ZNF469: variants seen among roughly 807,000 people sequenced by gnomAD.
The protein encoded by ZNF469 is zinc finger protein 469.
A neutral mutation model predicts 1.0 loss-of-function variants in ZNF469; 1 was observed. The observed-to-expected ratio is 1.00, with a 90% CI of 0.35 to 4.73. The LOEUF (loss-of-function observed/expected upper bound fraction) is 4.73. Ranked by LOEUF, ZNF469 falls within the 30% of genes most tolerant of loss-of-function variation. The pLI, the probability that ZNF469 is intolerant of heterozygous loss-of-function variation, is 0.16. For synonymous variants in ZNF469, 2,703 were observed against 2,363.4 expected, an observed-to-expected ratio of 1.14 and a Z score of -4.17; for missense variants, 6,100 against 5,356.3, an observed-to-expected ratio of 1.14 and a Z score of -4.33.
the ZNF469 span, among the ~76,000 whole-genome samples, chr16:88,280,987 G>T: frequency 2.0e-5 from 3 of 152,036 alleles, no homozygotes; most frequent in Non-Finnish European, 4.4e-5. Flanking sequence ...CCGATGCTTG[G>T]TCAGTACCGT....
chr16:88,320,294 C>T, the ZNF469 span, among the ~76,000 whole-genome samples: 2 of 152,190 alleles, frequency 1.3e-5, no homozygotes, highest in South Asian at 2.1e-4. Context: ...GGGAAGCCTG[C>T]GTTTACTCTA....
At chr16:88,239,654 A>ATT in the ZNF469 span, among the ~76,000 whole-genome samples, 2 of 46,432 alleles carry the variant, frequency 4.3e-5, no homozygotes, top group African/African-American at 7.0e-5. Context: ...CGCCCGGCTT[A>ATT]TTTTTTTTTT....
chr16:88,356,365 G>T, the ZNF469 span, among the ~76,000 whole-genome samples: 1 of 152,250 alleles, frequency 6.6e-6, no homozygotes. Flanking sequence ...GGAAACCTCT[G>T]CCCCAGTACA....
intron 1 of ZNF469, among the ~76,000 whole-genome samples, chr16:88,412,428 G>A (rs541066381): frequency 1.1e-4 from 17 of 152,156 alleles, no homozygotes; most frequent in East Asian, 1.9e-4. Context: ...CAGGCACCTC[G>A]CTTAACCTCT....
the ZNF469 span, among the ~76,000 whole-genome samples, chr16:88,237,211 A>AC: frequency 4.6e-4 from 10 of 21,926 alleles, no homozygotes; most frequent in East Asian, 1.7e-3. Context: ...TGCTCCTGCC[A>AC]GTCACCCTCC....
At chr16:88,148,071 C>T in the ZNF469 span, among the ~76,000 whole-genome samples, 1 of 151,570 alleles carries the variant, frequency 6.6e-6, no homozygotes, top group Non-Finnish European at 1.5e-5. Flanking sequence ...CTGCAGCCTG[C>T]AGTGGGGCGG....
chr16:88,196,763 A>G, the ZNF469 span, among the ~76,000 whole-genome samples: 1 of 152,160 alleles, frequency 6.6e-6, no homozygotes, highest in African/African-American at 2.4e-5. Context: ...AGCTCCACCA[A>G]CTGCTCAAGG....
At chr16:88,396,391 TCTGAAGGGAGGCCAGGAGGAGACCCTC>T (rs1370950249) in intron 1 of ZNF469, among the ~76,000 whole-genome samples, 48 of 146,546 alleles carry the variant, frequency 3.3e-4, no homozygotes, top group Non-Finnish European at 6.3e-4. Context: ...CAGAGACCCA[TCTGAAGGGAGGCCAGGAGGAGACCCTC>T]CTGAAGGGAG....
At chr16:88,165,038 G>A in the ZNF469 span, among the ~76,000 whole-genome samples, 3 of 152,230 alleles carry the variant, frequency 2.0e-5, no homozygotes, top group Non-Finnish European at 4.4e-5. Context: ...CCTCCATGCC[G>A]ATGATCCTGA....
At chr16:88,104,213 C>T in the ZNF469 span, among the ~76,000 whole-genome samples, 3 of 149,116 alleles carry the variant, frequency 2.0e-5, no homozygotes, top group Non-Finnish European at 4.4e-5. Context: ...CAGGACTGTC[C>T]GATGGGGACG....
chr16:88,432,883 CCT>C lies in ZNF469; in HGVS notation c.5414_5415del (p.Pro1805ArgfsTer7). The C allele has an allele frequency of 6.5e-7, 1 of 1,550,358 alleles. No homozygotes were observed. Among genetic ancestry groups the C allele is most frequent in the South Asian group, 1.2e-5 (1 of 84,060 alleles). On this transcript the variant is annotated frameshift_variant, in exon 3 of 3. Transcript: ENST00000565624. LOFTEE classifies it low-confidence loss of function (END_TRUNC). ...AFGSPAVHLA[P>X]DLAFQGDGAP... Reference sequence around the variant, plus strand: ...TGGCAGCCCTGCTGTCCATCTGGCCCCTGACTTGGCATTTCAGGGTGACGGGG... The same window carrying C: ...TGGCAGCCCTGCTGTCCATCTGGCCCGACTTGGCATTTCAGGGTGACGGGG...
intron 1 of ZNF469, among the ~76,000 whole-genome samples, chr16:88,387,517 G>A (rs1016832544): frequency 2.0e-5 from 3 of 152,204 alleles, no homozygotes; most frequent in Non-Finnish European, 2.9e-5. Flanking sequence ...TGAGACCAGC[G>A]ACAACGCTGG....
the ZNF469 span, among the ~76,000 whole-genome samples, chr16:88,148,909 TCAGA>T: frequency 2.6e-5 from 4 of 152,304 alleles, no homozygotes; most frequent in African/African-American, 9.6e-5. Flanking sequence ...TCCTCAGGAC[TCAGA>T]CAGTGCCTGG....
the ZNF469 span, among the ~76,000 whole-genome samples, chr16:88,184,593 TC>T: frequency 6.6e-6 from 1 of 151,898 alleles, no homozygotes; most frequent in African/African-American, 2.4e-5. Context: ...ACCTTCCCGT[TC>T]CCGTTTCAGG....
chr16:88,121,115 G>C, the ZNF469 span, among the ~76,000 whole-genome samples: 1 of 148,940 alleles, frequency 6.7e-6, no homozygotes, highest in African/African-American at 2.5e-5. Flanking sequence ...CGGTGGGATG[G>C]GGGGTCGGGA....
At chr16:88,258,572 C>G in the ZNF469 span, among the ~76,000 whole-genome samples, 2 of 152,126 alleles carry the variant, frequency 1.3e-5, no homozygotes, top group Admixed American at 6.5e-5. Context: ...TTGGAGAGAA[C>G]CTTCTTCGTG....
the ZNF469 span, among the ~76,000 whole-genome samples, chr16:88,373,789 G>C: frequency 6.6e-6 from 1 of 152,166 alleles, no homozygotes; most frequent in Non-Finnish European, 1.5e-5. Flanking sequence ...TTGAGGCCAG[G>C]AGTTTGAGAC....
chr16:88,249,423 CTTTTTCTTTTTTTTTTT>C, the ZNF469 span, among the ~76,000 whole-genome samples: 3 of 61,754 alleles, frequency 4.9e-5, no homozygotes, highest in Non-Finnish European at 7.9e-5. Context: ...CTTTCTTTTT[CTTTTTCTTTTTTTTTTT>C]TTTTTTTTTT....
At chr16:88,101,054 G>A in the ZNF469 span, 51 of 219,046 alleles carry the variant, frequency 2.3e-4, no homozygotes, top group Non-Finnish European at 2.9e-4. Flanking sequence ...CGGCAGACAC[G>A]CCTGCTCGCT....
Sources: gnomAD v4.1 joint callset for allele counts (sites outside exome capture counted in the v4.1 genomes callset) on GRCh38, gnomAD v4.1.1 for gene constraint, MANE v1.5 for transcripts, NCBI Gene and HGNC (gene_info 2026-07-23, HGNC 2026-07-21) for gene names.